Variants in NIPAL2 observed in about 807,000 individuals in gnomAD.
The protein encoded by NIPAL2 is NIPA like domain containing 2.
Under a neutral mutation model 48.9 loss-of-function variants are expected in NIPAL2, and 43 were observed. The ratio of observed to expected loss-of-function variants is 0.88; its 90% CI spans 0.69 to 1.13. NIPAL2 has a LOEUF of 1.13. Among genes scored for constraint, NIPAL2 ranks in the 50% most tolerant of loss-of-function variants. The pLI, the probability that NIPAL2 is intolerant of heterozygous loss-of-function variation, is 0.00. For missense variants in NIPAL2, 446 were observed against 461.4 expected (o/e 0.97, Z 0.31); for synonymous variants, 167 against 174.6 (o/e 0.96, Z 0.34).
chr8:98,193,120 T>C (rs746291253), intron 10 of NIPAL2, 30 bp from the exon 11 acceptor site: 4 of 1,541,766 alleles, frequency 2.6e-6, no homozygotes, highest in Non-Finnish European at 2.7e-6. Flanking sequence ...AGAGAATCTT[T>C]TGAGGTCTTA....
intron 8 of NIPAL2, among the ~76,000 whole-genome samples, chr8:98,198,839 A>G (rs536161389): frequency 6.6e-6 from 1 of 152,194 alleles, no homozygotes; most frequent in Admixed American, 6.5e-5. Flanking sequence ...ATCTGTCCAG[A>G]CCACTCAAAC....
intron 1 of NIPAL2, among the ~76,000 whole-genome samples, chr8:98,276,273 C>A (rs1273842195): frequency 6.6e-6 from 1 of 152,208 alleles, no homozygotes; most frequent in Non-Finnish European, 1.5e-5. Flanking sequence ...CAACCCCTAG[C>A]AACCACTGAT....
intron 1 of NIPAL2, 36 bp from the exon 2 acceptor site, chr8:98,254,123 T>A: frequency 6.5e-7 from 1 of 1,528,796 alleles, no homozygotes; most frequent in Non-Finnish European, 9.0e-7. Flanking sequence ...ATAATACTTG[T>A]AAGATATTTA....
chr8:98,260,432 G>A (rs532332263), intron 1 of NIPAL2, among the ~76,000 whole-genome samples: 5 of 152,336 alleles, frequency 3.3e-5, no homozygotes, highest in African/African-American at 9.6e-5. Context: ...CACCGTGTGC[G>A]AGCCGAAGCA....
intron 1 of NIPAL2, among the ~76,000 whole-genome samples, chr8:98,281,849 A>G (rs1231118613): frequency 6.6e-6 from 1 of 152,226 alleles, no homozygotes; most frequent in Non-Finnish European, 1.5e-5. Context: ...GTGGCTTAAC[A>G]TAACACAATT....
intron 1 of NIPAL2, among the ~76,000 whole-genome samples, chr8:98,269,609 G>A (rs1254065542): frequency 6.6e-6 from 1 of 152,136 alleles, no homozygotes; most frequent in Non-Finnish European, 1.5e-5. Flanking sequence ...TTCCATTTCT[G>A]GAGTACAGGT....
At position 98,190,309 on chromosome 8, in the gene NIPAL2, T is replaced by C. The variant is rs1586273204; in HGVS notation, c.*2669A>G. ...GAACTATAGCTCACAGACTGGCCAC[T>C]TGTTTTTGTTTGTTTGTTTGTTTGT... On this transcript the variant is annotated 3_prime_UTR_variant, in exon 11 of 11. Transcript: ENST00000430223. 6.0e-6 allele frequency: 1 copy of C among 166,364 alleles called. No homozygotes were observed. The highest frequency in any genetic ancestry group is 1.8e-4 in the South Asian group (1 of 5,504). The allele number at this position is 166,364 out of a possible 1,614,324, so 10.3% of individuals were successfully genotyped here. A position where few individuals can be genotyped will look rare whatever the true frequency, so the allele number is the denominator to read the frequency against.
chr8:98,194,887 G>A (rs1428492398), intron 9 of NIPAL2, 65 bp from the exon 10 acceptor site: 4 of 915,858 alleles, frequency 4.4e-6, no homozygotes, highest in Non-Finnish European at 6.4e-6. Flanking sequence ...TTAAATAACT[G>A]AGCTCCATAT....
intron 1 of NIPAL2, among the ~76,000 whole-genome samples, chr8:98,263,987 A>T (rs1315867764): frequency 6.9e-6 from 1 of 143,986 alleles, no homozygotes; most frequent in Non-Finnish European, 1.5e-5. Context: ...TACGCAAATC[A>T]ATAAATGTAA....
chr8:98,281,509 G>A (rs919442548), intron 1 of NIPAL2, among the ~76,000 whole-genome samples: 2 of 152,176 alleles, frequency 1.3e-5, no homozygotes, highest in Admixed American at 6.5e-5. Context: ...TGTTTGTAAC[G>A]CAATTATAAA....
rs540877407 is a variant in NIPAL2 at position 98,225,837 on chromosome 8, C to T, written c.437-3237G>A. ...TCTCCCTCTACCTCCTCTTTAAGGC[C>T]AATAACTCTTAGATTTGTTCTTTTG... On this transcript the variant is annotated intron_variant, in intron 4 of 10. Coordinates refer to ENST00000430223, the MANE Select transcript of NIPAL2 (RefSeq NM_001321635.2). Among the ~76,000 whole-genome samples the T allele has an allele frequency of 6.7e-4, 102 of 152,172 alleles. 1 individual carries two copies. In the South Asian group the frequency reaches 0.015, roughly 23 times the overall value.
At chr8:98,268,446 C>G (rs904030438) in intron 1 of NIPAL2, among the ~76,000 whole-genome samples, 1 of 151,922 alleles carries the variant, frequency 6.6e-6, no homozygotes, top group Non-Finnish European at 1.5e-5. Flanking sequence ...CATGGTGAAA[C>G]CCCATCTCTA....
chr8:98,199,704 C>T (rs931556227), intron 8 of NIPAL2, among the ~76,000 whole-genome samples: 2 of 152,028 alleles, frequency 1.3e-5, no homozygotes, highest in Non-Finnish European at 2.9e-5. Context: ...ATTACTAAAA[C>T]GTGACACAGA....
intron 1 of NIPAL2, among the ~76,000 whole-genome samples, chr8:98,281,634 A>C (rs1815835745): frequency 6.6e-6 from 1 of 152,206 alleles, no homozygotes; most frequent in African/African-American, 2.4e-5. Context: ...CACCCACAAA[A>C]ATTAAAAATT....
At position 98,294,014 on chromosome 8, in the gene NIPAL2, G is replaced by A. The variant is rs1026779970; in HGVS notation, c.124C>T (p.Arg42Cys). ...GNGSLSGDWYRRNQIHLFGVL... is the reference protein window; with the variant it reads ...GNGSLSGDWYCRNQIHLFGVL... ...GGGGCGGCCCTTACCTGGTTCCTGCGGTACCAGTCGCCCGAGAGGGAGCCG... is the reference window on the plus strand; with the variant it reads ...GGGGCGGCCCTTACCTGGTTCCTGCAGTACCAGTCGCCCGAGAGGGAGCCG... Residue 42 changes from arginine (R) to cysteine (C), a missense_variant, in exon 1 of 11, where the codon CGC becomes TGC. Coordinates refer to ENST00000430223, the MANE Select transcript of NIPAL2 (RefSeq NM_001321635.2). 8.7e-6 allele frequency: 13 copies of A among 1,492,790 alleles called. No homozygotes were observed. Among genetic ancestry groups the A allele is most frequent in the Non-Finnish European group, 1.2e-5 (13 of 1,120,856 alleles). The allele number at this position is 1,492,790 out of a possible 1,614,324, so 92.5% of individuals were successfully genotyped here.
At chr8:98,258,027 G>T (rs1331001436) in intron 1 of NIPAL2, among the ~76,000 whole-genome samples, 1 of 152,144 alleles carries the variant, frequency 6.6e-6, no homozygotes, top group Non-Finnish European at 1.5e-5. Context: ...ATAGGCCATT[G>T]GTCACTCATA....
At position 98,276,622 on chromosome 8, in the gene NIPAL2, A is replaced by G. The variant is rs556694905; in HGVS notation, c.135+17381T>C. Among the ~76,000 whole-genome samples, 12 of 152,270 alleles carry G rather than the reference A, an allele frequency of 7.9e-5. No individual in the cohort carries two copies. The South Asian group carries it at 2.5e-3, about 32-fold the overall frequency. The stretch of plus-strand genomic sequence containing the variant: ...CTGGTAAGAGAATGTTTAGTTTTGT[A>G]AGAAACTGCCAAACTGTCTTCCAAA... On this transcript the variant is annotated intron_variant, in intron 1 of 10. Coordinates refer to ENST00000430223, the MANE Select transcript of NIPAL2 (RefSeq NM_001321635.2).
chr8:98,256,612 C>T (rs2050987753), intron 1 of NIPAL2, among the ~76,000 whole-genome samples: 1 of 145,054 alleles, frequency 6.9e-6, no homozygotes. Context: ...TACTTCACAT[C>T]CAGTAGGATG....
At chr8:98,218,556 G>C (rs6468621) in intron 5 of NIPAL2, among the ~76,000 whole-genome samples, 1 of 152,120 alleles carries the variant, frequency 6.6e-6, no homozygotes, top group Admixed American at 6.6e-5. Flanking sequence ...CACTAGGGTA[G>C]AAATAAGGCC....
Sources: allele counts gnomAD v4.1 joint callset (sites outside exome capture counted in the v4.1 genomes callset), GRCh38; gene constraint gnomAD v4.1.1; transcripts MANE v1.5; gene names NCBI Gene and HGNC (gene_info 2026-07-23, HGNC 2026-07-21).